The following TRHDE variants were observed in gnomAD, a reference collection of about 807,000 sequenced individuals.
TRHDE encodes the protein thyrotropin releasing hormone degrading enzyme.
Under a neutral mutation model 125.7 loss-of-function variants are expected in TRHDE, and 72 were observed. The ratio of observed to expected loss-of-function variants is 0.57; its 90% CI spans 0.47 to 0.70. The LOEUF (loss-of-function observed/expected upper bound fraction) is 0.70, where lower values mean the gene tolerates loss of function less well. Ranked by LOEUF, TRHDE falls within the 30% of genes least tolerant of loss-of-function variation. The pLI is 0.00. For synonymous variants in TRHDE, 509 were observed against 509.1 expected (o/e 1.00, Z 0.00); for missense variants, 1,110 against 1,327.1 (o/e 0.84, Z 2.54).
At chr12:72,292,941 C>G (rs942143424) in intron 2 of TRHDE, among the ~76,000 whole-genome samples, 5 of 152,022 alleles carry the variant, frequency 3.3e-5, no homozygotes, top group African/African-American at 1.2e-4. Flanking sequence ...TTGGGTGGTA[C>G]AGAGCAGGGA....
rs527457398 is a variant in TRHDE, at chr12:72,347,510, T to C, written c.1189-30485T>C. Among the ~76,000 whole-genome samples the C allele has an allele frequency of 5.5e-4, 84 of 152,240 alleles. 1 individual carries two copies. Among genetic ancestry groups the C allele is most frequent in the African/African-American group, 2.0e-3 (83 of 41,578 alleles). ...GCAGTTTAGCTAGGTTATCTGGCTC[T>C]GTGTTTCTCATGAGGCTGCAATCAA... On this transcript the variant is annotated intron_variant, in intron 2 of 18. Transcript: ENST00000261180.
At chr12:72,582,704 T>C (rs1409023005) in intron 12 of TRHDE, 6 of 795,154 alleles carry the variant, frequency 7.5e-6, no homozygotes, top group Non-Finnish European at 9.1e-6. Context: ...TATAAACCTT[T>C]TGTGAGAAAT....
intron 1 of TRHDE, among the ~76,000 whole-genome samples, chr12:72,277,043 A>G (rs1320565705): frequency 6.6e-6 from 1 of 152,222 alleles, no homozygotes; most frequent in Non-Finnish European, 1.5e-5. Context: ...TAGCCAAGAT[A>G]AAGAACATTT....
intron 2 of TRHDE, among the ~76,000 whole-genome samples, chr12:72,184,208 G>A (rs534992905): frequency 1.3e-5 from 2 of 152,256 alleles, no homozygotes; most frequent in South Asian, 4.2e-4. Flanking sequence ...GGGGCAGAGG[G>A]TCTTCGGTGC....
intron 6 of TRHDE, among the ~76,000 whole-genome samples, chr12:72,523,875 A>C (rs988646374): frequency 1.3e-5 from 2 of 152,186 alleles, no homozygotes; most frequent in African/African-American, 4.8e-5. Flanking sequence ...TGAGTTTTGA[A>C]ATTCTCCAGG....
At chr12:72,130,894 C>A (rs957987993) in intron 2 of TRHDE, among the ~76,000 whole-genome samples, 3 of 152,026 alleles carry the variant, frequency 2.0e-5, no homozygotes, top group Non-Finnish European at 4.4e-5. Flanking sequence ...AGACTTGAAA[C>A]TTTATGTACT....
intron 2 of TRHDE, among the ~76,000 whole-genome samples, chr12:72,126,134 C>T (rs868786228): frequency 3.9e-5 from 6 of 152,058 alleles, no homozygotes; most frequent in Admixed American, 6.6e-5. Flanking sequence ...CACAAAAATA[C>T]CTGGGAATAC....
chr12:72,231,449 C>A (rs565153973), intron 2 of TRHDE, among the ~76,000 whole-genome samples: 9 of 152,036 alleles, frequency 5.9e-5, no homozygotes, highest in Non-Finnish European at 8.8e-5. Flanking sequence ...TTCTGTTGTG[C>A]GATAGTTTAG....
rs981597519 is a variant in TRHDE at position 72,490,690 on chromosome 12, T to C, written c.1585-8808T>C. 2.0e-5 allele frequency among the ~76,000 whole-genome samples: 3 copies of C among 150,640 alleles called. No individual in the cohort carries two copies. In the South Asian group the frequency reaches 6.2e-4, roughly 31 times the overall value. ...CCATGGATATGTCTGGGACAAATTA[T>C]GCTAAGTGAATAAGCTAGACACAGA... is the stretch of plus-strand genomic sequence containing the variant. On this transcript the variant is annotated intron_variant, in intron 5 of 18. Transcript: ENST00000261180.
intron 12 of TRHDE, among the ~76,000 whole-genome samples, chr12:72,602,535 G>A (rs1313138223): frequency 6.6e-6 from 1 of 152,182 alleles, no homozygotes; most frequent in African/African-American, 2.4e-5. Flanking sequence ...AGGCCTGAAA[G>A]AGAAGACATG....
intron 2 of TRHDE, among the ~76,000 whole-genome samples, chr12:72,302,088 T>C (rs1868270406): frequency 6.6e-6 from 1 of 152,164 alleles, no homozygotes; most frequent in Admixed American, 6.6e-5. Context: ...GTGAAGTACG[T>C]TCATTTATGA....
intron 2 of TRHDE, among the ~76,000 whole-genome samples, chr12:72,230,565 G>A (rs1187398589): frequency 6.6e-6 from 1 of 151,910 alleles, no homozygotes; most frequent in Non-Finnish European, 1.5e-5. Context: ...AGAGTAACTG[G>A]TTAAAATTTG....
chr12:72,493,080 G>T (rs1328078218), intron 5 of TRHDE, among the ~76,000 whole-genome samples: 1 of 151,840 alleles, frequency 6.6e-6, no homozygotes, highest in Non-Finnish European at 1.5e-5. Context: ...ATAGAAGAGG[G>T]AGTCAGGAAA....
chr12:72,542,279 T>A lies in TRHDE; in HGVS notation c.1723-12T>A. ...GTTGAAATTCTGTTCTTTTTATTAT[T>A]CTTTCCTATAGGGTGCTGCTTTAAT... On this transcript the variant is annotated splice_polypyrimidine_tract_variant and intron_variant, in intron 6 of 18. Coordinates refer to ENST00000261180, the MANE Select transcript of TRHDE (RefSeq NM_013381.3). 1.3e-6 allele frequency: 2 copies of A among 1,578,472 alleles called. No individual in the cohort carries two copies. The highest frequency in any genetic ancestry group is 8.6e-7 in the Non-Finnish European group (1 of 1,159,992).
chr12:72,399,211 C>T (rs1488732921), intron 3 of TRHDE, among the ~76,000 whole-genome samples: 1 of 152,230 alleles, frequency 6.6e-6, no homozygotes, highest in African/African-American at 2.4e-5. Context: ...TTCCACAAAA[C>T]TGGTCCCCGA....
chr12:72,550,563 C>T (rs961802631), intron 7 of TRHDE, among the ~76,000 whole-genome samples: 17 of 151,778 alleles, frequency 1.1e-4, no homozygotes, highest in African/African-American at 3.6e-4. Flanking sequence ...TTTATAATTG[C>T]TTGACATGAT....
chr12:72,239,934 T>C (rs898046729), intron 2 of TRHDE, among the ~76,000 whole-genome samples: 3 of 152,228 alleles, frequency 2.0e-5, no homozygotes, highest in African/African-American at 4.8e-5. Flanking sequence ...AGAATTTTAA[T>C]AGTGCTTCTT....
In TRHDE at chr12:72,238,322, ACATATATATATACACAT is replaced by A. The variant is rs1158737944; in HGVS notation, n.279+132571_279+132587del. 6.6e-3 allele frequency among the ~76,000 whole-genome samples: 180 copies of A among 27,162 alleles called. 19 individuals carry two copies. The highest frequency in any genetic ancestry group is 0.011 in the African/African-American group (89 of 8,262). 17.8% of individuals were successfully genotyped at this position (27,162 alleles called of 152,430 possible). Reference sequence around the variant, plus strand: ...TATATATATATATATATATATATATACATATATATATACACATTATATATATATATATATATATATAC... The same window carrying A: ...TATATATATATATATATATATATATATATATATATATATATATATATATAC... On this transcript the variant is annotated intron_variant and non_coding_transcript_variant, in intron 2 of 4. Coordinates refer to the TRHDE transcript ENST00000548156.
intron 2 of TRHDE, among the ~76,000 whole-genome samples, chr12:72,232,896 T>C (rs1396667095): frequency 2.0e-5 from 3 of 152,168 alleles, no homozygotes; most frequent in Admixed American, 6.6e-5. Flanking sequence ...CTCTAACTTA[T>C]CTATTTTACT....
Sources: gnomAD v4.1 joint callset for allele counts (sites outside exome capture counted in the v4.1 genomes callset) on GRCh38, gnomAD v4.1.1 for gene constraint, MANE v1.5 for transcripts, NCBI Gene and HGNC (gene_info 2026-07-23, HGNC 2026-07-21) for gene names.